Variants in CNTNAP3 observed in about 807,000 individuals in gnomAD.
CNTNAP3 encodes the protein contactin-associated protein-like 3.
In CNTNAP3, 36 loss-of-function variants were observed where a neutral mutation model predicts 92.1. That is an observed-to-expected ratio of 0.39 (90% confidence interval 0.30 to 0.52). The LOEUF (loss-of-function observed/expected upper bound fraction) is 0.52. Among genes scored for constraint, CNTNAP3 ranks in the 20% least tolerant of loss-of-function variants. The pLI is 0.76. For missense variants in CNTNAP3, 534 were observed against 1,069.6 expected (o/e 0.50, Z 6.98); for synonymous variants, 232 against 422.3 (o/e 0.55, Z 5.53).
Position 39,067,617 on chromosome 9 carries a change from C to A in CNTNAP3, c.*6273G>T, listed in dbSNP as rs1825538185. Among the ~76,000 whole-genome samples the A allele has an allele frequency of 6.6e-6, 1 of 152,286 alleles. No individual in the cohort carries two copies. The highest frequency in any genetic ancestry group is 1.5e-5 in the Non-Finnish European group (1 of 68,036). On this transcript the variant is annotated 3_prime_UTR_variant, in exon 24 of 24. Transcript: ENST00000297668. ...TTCCACCTTGTTAGCAGGATGGTCT[C>A]CATCTCCCGACCTCGTGATCTGCCT... is the stretch of plus-strand genomic sequence containing the variant.
intron 10 of CNTNAP3, among the ~76,000 whole-genome samples, chr9:39,149,212 G>T (rs7048612): frequency 0.25 from 38,737 of 151,952 alleles, 5,202 homozygotes; most frequent in East Asian, 0.31. Context: ...GATGGGTGTG[G>T]GGTTGCAAAA....
At chr9:39,095,143 G>A (rs1458850780) in intron 18 of CNTNAP3, among the ~76,000 whole-genome samples, 1 of 151,332 alleles carries the variant, frequency 6.6e-6, no homozygotes, top group Non-Finnish European at 1.5e-5. Context: ...ATTTTTCATT[G>A]CTAGTGTAGA....
intron 10 of CNTNAP3, among the ~76,000 whole-genome samples, chr9:39,148,820 G>T (rs117884107): frequency 6.6e-6 from 1 of 152,004 alleles, no homozygotes; most frequent in Non-Finnish European, 1.5e-5. Flanking sequence ...CCACGGCGCC[G>T]GGCCAGATTA....
At chr9:39,086,583 C>T in intron 20 of CNTNAP3, 133 bp downstream of exon 20, 1 of 1,199,830 alleles carries the variant, frequency 8.3e-7, no homozygotes, top group Non-Finnish European at 1.1e-6. Context: ...CCATATTTGG[C>T]TTCTTCTTGA....
chr9:39,079,736 T>C (rs1825886503), intron 21 of CNTNAP3, among the ~76,000 whole-genome samples: 1 of 120,978 alleles, frequency 8.3e-6, no homozygotes, highest in South Asian at 2.7e-4. Flanking sequence ...GCTTTCCCTT[T>C]TGTGAGTTTG....
intron 12 of CNTNAP3, among the ~76,000 whole-genome samples, chr9:39,134,525 A>C (rs1821381776): frequency 6.6e-6 from 1 of 152,000 alleles, no homozygotes; most frequent in Non-Finnish European, 1.5e-5. Flanking sequence ...CCTGGGTTCA[A>C]GCAGTTCTCC....
chr9:39,112,532 A>C (rs1251175876), intron 14 of CNTNAP3, among the ~76,000 whole-genome samples: 1 of 151,958 alleles, frequency 6.6e-6, no homozygotes, highest in Non-Finnish European at 1.5e-5. Context: ...TGCTCAGCTA[A>C]TTTTTGTATT....
At chr9:39,099,068 G>T (rs576473570) in intron 18 of CNTNAP3, among the ~76,000 whole-genome samples, 4 of 151,628 alleles carry the variant, frequency 2.6e-5, no homozygotes, top group African/African-American at 9.7e-5. Flanking sequence ...TCTGCCTCCC[G>T]GGTTCAAGCA....
intron 4 of CNTNAP3, among the ~76,000 whole-genome samples, chr9:39,184,513 TATA>T (rs986874372): frequency 3.2e-5 from 3 of 93,572 alleles, no homozygotes; most frequent in Non-Finnish European, 6.1e-5. Flanking sequence ...TTCATTTTAA[TATA>T]ATAATAAGTT....
chr9:39,134,536 T>C (rs959509358), intron 12 of CNTNAP3, among the ~76,000 whole-genome samples: 2 of 152,124 alleles, frequency 1.3e-5, no homozygotes, highest in Admixed American at 1.3e-4. Flanking sequence ...GCAGTTCTCC[T>C]GTCTCAGCCT....
intron 17 of CNTNAP3, among the ~76,000 whole-genome samples, chr9:39,101,237 A>C (rs991186281): frequency 2.0e-5 from 3 of 150,932 alleles, no homozygotes; most frequent in Non-Finnish European, 4.4e-5. Context: ...AAGTCATGGT[A>C]TAACACCCCA....
chr9:39,123,493 A>G (rs1821086079), intron 13 of CNTNAP3, among the ~76,000 whole-genome samples: 1 of 152,102 alleles, frequency 6.6e-6, no homozygotes, highest in South Asian at 2.1e-4. Flanking sequence ...TATTTAAAAT[A>G]ATGACAGTTG....
At chr9:39,082,986 C>T (rs1027743527) in intron 21 of CNTNAP3, among the ~76,000 whole-genome samples, 2 of 152,106 alleles carry the variant, frequency 1.3e-5, no homozygotes, top group Non-Finnish European at 2.9e-5. Context: ...CCAGACCCAA[C>T]ATAAAACATT....
intron 14 of CNTNAP3, among the ~76,000 whole-genome samples, chr9:39,109,598 T>C (rs1188846624): frequency 1.3e-5 from 2 of 152,140 alleles, no homozygotes; most frequent in Non-Finnish European, 2.9e-5. Flanking sequence ...GCAATAAAAA[T>C]TTATGGATAT....
intron 21 of CNTNAP3, among the ~76,000 whole-genome samples, chr9:39,082,128 T>A (rs1396420084): frequency 6.7e-6 from 1 of 150,262 alleles, no homozygotes; most frequent in Non-Finnish European, 1.5e-5. Context: ...TAAAATTAAA[T>A]AAAATGTAAA....
intron 9 of CNTNAP3, among the ~76,000 whole-genome samples, chr9:39,151,298 TA>T (rs1472546490): frequency 2.7e-5 from 4 of 146,370 alleles, no homozygotes; most frequent in Non-Finnish European, 6.0e-5. Context: ...CTCATGCCTG[TA>T]AACCCAGCAC....
chr9:39,082,076 A>G (rs147766275), intron 21 of CNTNAP3, among the ~76,000 whole-genome samples: 21,782 of 110,416 alleles, frequency 0.2, 1,623 homozygotes, highest in East Asian at 0.33. Flanking sequence ...GACAGAGTGA[A>G]ACTCGATCTC....
chr9:39,146,225 G>A (rs1821695008), intron 10 of CNTNAP3, among the ~76,000 whole-genome samples: 1 of 152,026 alleles, frequency 6.6e-6, no homozygotes, highest in African/African-American at 2.4e-5. Context: ...GGCAGGAGTG[G>A]GGTCAGCAGC....
chr9:39,095,936 G>T, intron 18 of CNTNAP3, among the ~76,000 whole-genome samples: 1 of 151,378 alleles, frequency 6.6e-6, no homozygotes, highest in Middle Eastern at 3.4e-3. Context: ...GAAAAAAAAA[G>T]ATCAAGTAAA....
Sources: allele counts gnomAD v4.1 joint callset (sites outside exome capture counted in the v4.1 genomes callset), GRCh38; gene constraint gnomAD v4.1.1; transcripts MANE v1.5; gene names NCBI Gene and HGNC (gene_info 2026-07-23, HGNC 2026-07-21).